STX17: variants seen among roughly 807,000 people sequenced by gnomAD.
The protein encoded by STX17 is syntaxin 17.
In STX17, 29 loss-of-function variants were observed where a neutral mutation model predicts 35.9. That is an observed-to-expected ratio of 0.81 (90% CI 0.60 to 1.10). STX17 has a LOEUF of 1.10. STX17 is among the 50% of genes least tolerant of loss of function. The probability of loss-of-function intolerance (pLI) is 0.00; values close to 1 mark genes in which losing one functional copy is unlikely to be tolerated. For missense variants in STX17, 312 were observed against 352.3 expected, an observed-to-expected ratio of 0.89 and a Z score of 0.92; for synonymous variants, 92 against 118.3, an observed-to-expected ratio of 0.78 and a Z score of 1.44.
intron 2 of STX17, among the ~76,000 whole-genome samples, chr9:99,918,760 G>A (rs1273063228): frequency 6.6e-6 from 1 of 152,048 alleles, no homozygotes; most frequent in African/African-American, 2.4e-5. Context: ...ATTTTAATTG[G>A]AGAACCACTA....
chr9:99,929,048 A>G (rs1278903120), intron 3 of STX17: 3 of 493,934 alleles, frequency 6.1e-6, no homozygotes, highest in Non-Finnish European at 1.1e-5. Flanking sequence ...TCCTCCAGAA[A>G]TGATACACAG....
chr9:99,919,345 G>C (rs1828847950), intron 2 of STX17, among the ~76,000 whole-genome samples: 1 of 152,124 alleles, frequency 6.6e-6, no homozygotes, highest in Non-Finnish European at 1.5e-5. Context: ...CTGGCCTCAA[G>C]TGATCCTCCT....
chr9:99,956,958 C>A (rs1043892230), intron 4 of STX17, among the ~76,000 whole-genome samples: 1 of 152,166 alleles, frequency 6.6e-6, no homozygotes, highest in African/African-American at 2.4e-5. Context: ...AGATCAGATG[C>A]CACATGTCAT....
chr9:99,960,360 G>T (rs1052723848), intron 6 of STX17, among the ~76,000 whole-genome samples: 1 of 152,072 alleles, frequency 6.6e-6, no homozygotes, highest in Non-Finnish European at 1.5e-5. Flanking sequence ...CAAGCAGTGT[G>T]TTAGATGCTT....
chr9:99,973,583 A>C lies in STX17; in HGVS notation c.*4910A>C, dbSNP rs2698999. On this transcript the variant is annotated 3_prime_UTR_variant, in exon 8 of 8. Transcript: ENST00000259400. Reference sequence around the variant, plus strand: ...ACTTGACTCCATTCCTTATATCAAGACTTGTCCTGTCAATTCTCCCTTAAA... The same window carrying C: ...ACTTGACTCCATTCCTTATATCAAGCCTTGTCCTGTCAATTCTCCCTTAAA... Among the ~76,000 whole-genome samples the C allele has an allele frequency of 0.53, 81,180 of 151,946 alleles. 22,972 individuals carry two copies. The highest frequency in any genetic ancestry group is 0.66 in the African/African-American group (27,316 of 41,412).
At chr9:99,917,955 A>T (rs114781038) in intron 2 of STX17, among the ~76,000 whole-genome samples, 152 of 152,316 alleles carry the variant, frequency 1.0e-3, no homozygotes, top group African/African-American at 3.5e-3. Flanking sequence ...GCTGCTCAGC[A>T]ATCATCAAAG....
intron 3 of STX17, among the ~76,000 whole-genome samples, chr9:99,929,368 A>G (rs1001169289): frequency 2.0e-5 from 3 of 151,758 alleles, no homozygotes; most frequent in African/African-American, 4.8e-5. Context: ...TTTGCTAGTT[A>G]TTTGCTTTTT....
intron 2 of STX17, among the ~76,000 whole-genome samples, chr9:99,921,557 G>A (rs1828888018): frequency 6.6e-6 from 1 of 150,576 alleles, no homozygotes; most frequent in South Asian, 2.1e-4. Flanking sequence ...ACAGGAAAGG[G>A]CCAGAGCACA....
In STX17 at chr9:99,973,078, T is replaced by G. The variant is rs906822681; in HGVS notation, c.*4405T>G. ...GGTGGTTCTCATAATTTACATTCAT[T>G]AATTTGATGCCCTTTTACAAAGAAA... On this transcript the variant is annotated 3_prime_UTR_variant, in exon 8 of 8. Coordinates refer to ENST00000259400, the MANE Select transcript of STX17 (RefSeq NM_017919.3). Among the ~76,000 whole-genome samples the G allele has an allele frequency of 5.9e-5, 9 of 152,198 alleles. No individual in the cohort carries two copies. The highest frequency in any genetic ancestry group is 2.2e-4 in the African/African-American group (9 of 41,450).
chr9:99,945,513 A>C (rs1473058379), intron 3 of STX17, among the ~76,000 whole-genome samples: 2 of 152,008 alleles, frequency 1.3e-5, no homozygotes, highest in Admixed American at 6.6e-5. Flanking sequence ...CAATCGCTTA[A>C]GTTTTTTAAA....
At chr9:99,932,587 A>T (rs115001992) in intron 3 of STX17, among the ~76,000 whole-genome samples, 200 of 152,310 alleles carry the variant, frequency 1.3e-3, no homozygotes, top group African/African-American at 4.7e-3. Context: ...TTAATCTATC[A>T]TTTAAAAATC....
At chr9:99,957,656 GTTTT>G (rs139402328) in intron 4 of STX17, among the ~76,000 whole-genome samples, 5 of 133,872 alleles carry the variant, frequency 3.7e-5, no homozygotes, top group East Asian at 2.2e-4. Context: ...TATTGTTTTT[GTTTT>G]TTTTTTTTTT....
intron 2 of STX17, among the ~76,000 whole-genome samples, chr9:99,924,325 G>T (rs933627469): frequency 5.9e-5 from 9 of 152,106 alleles, no homozygotes; most frequent in Non-Finnish European, 1.2e-4. Flanking sequence ...CAAAAGACAT[G>T]TGTCTGTCAT....
intron 2 of STX17, among the ~76,000 whole-genome samples, chr9:99,924,289 A>C: frequency 6.6e-6 from 1 of 152,168 alleles, no homozygotes; most frequent in Non-Finnish European, 1.5e-5. Context: ...TCTACTTTGG[A>C]CACTGAAAGT....
chr9:99,944,367 A>C (rs562212958), intron 3 of STX17, among the ~76,000 whole-genome samples: 9 of 151,760 alleles, frequency 5.9e-5, no homozygotes, highest in African/African-American at 1.9e-4. Context: ...ACTATTTTCT[A>C]GTTTCTTGCA....
chr9:99,949,488 A>G (rs10819712), intron 3 of STX17, among the ~76,000 whole-genome samples: 64,093 of 151,712 alleles, frequency 0.42, 14,651 homozygotes, highest in East Asian at 0.7. Context: ...TGCTGGCCCT[A>G]TCGGAATATC....
At chr9:99,951,369 C>T (rs1829591138) in intron 4 of STX17, 84 bp downstream of exon 4, 2 of 1,265,718 alleles carry the variant, frequency 1.6e-6, no homozygotes, top group African/African-American at 1.5e-5. Context: ...ACTGAATTAT[C>T]TATAGGTCTT....
At chr9:99,934,748 T>C (rs1829196710) in intron 3 of STX17, among the ~76,000 whole-genome samples, 1 of 152,204 alleles carries the variant, frequency 6.6e-6, no homozygotes, top group East Asian at 1.9e-4. Context: ...CAAAATTACA[T>C]GTTGTAAAAA....
Position 99,971,142 on chromosome 9 carries a change from A to C in STX17, c.*2469A>C, listed in dbSNP as rs1404970795. 6.6e-6 allele frequency among the ~76,000 whole-genome samples: 1 copy of C among 152,218 alleles called. No homozygotes were observed. The highest frequency in any genetic ancestry group is 1.9e-4 in the East Asian group (1 of 5,202). On this transcript the variant is annotated 3_prime_UTR_variant, in exon 8 of 8. Coordinates refer to ENST00000259400, the MANE Select transcript of STX17 (RefSeq NM_017919.3). ...CAGTGTGACACAGAAACCAATCTTA[A>C]AATTGAATTTAATGTTTTATCATAT... is the stretch of plus-strand genomic sequence containing the variant.
Sources: allele counts gnomAD v4.1 joint callset (sites outside exome capture counted in the v4.1 genomes callset), GRCh38; gene constraint gnomAD v4.1.1; transcripts MANE v1.5; gene names NCBI Gene and HGNC (gene_info 2026-07-23, HGNC 2026-07-21).